Variants in CIDEC observed in about 807,000 individuals in gnomAD.
The protein encoded by CIDEC is cell death inducing DFFA like effector c.
CIDEC carries 11 observed loss-of-function variants against 21.9 expected under a neutral mutation model. The ratio of observed to expected loss-of-function variants is 0.50; its 90% CI spans 0.32 to 0.83. The LOEUF is 0.83. Among genes scored for constraint, CIDEC ranks in the 40% least tolerant of loss-of-function variants. CIDEC has a pLI of 0.04. For missense variants in CIDEC, 302 were observed against 302.3 expected (o/e 1.00, Z 0.01); for synonymous variants, 127 against 124.9 (o/e 1.02, Z -0.11).
rs370820713 is a variant in CIDEC, at chr3:9,870,256, C to A, written c.274G>T (p.Val92Leu). 6.2e-7 allele frequency: 1 copy of A among 1,614,122 alleles called. No individual in the cohort carries two copies. Among genetic ancestry groups the A allele is most frequent in the East Asian group, 2.2e-5 (1 of 44,882 alleles). Residue 92 changes from valine (V) to leucine (L), a missense_variant, in exon 5 of 7, where the codon GTA becomes TTA. Val to Leu is a conservative substitution (Grantham distance 32, BLOSUM62 1). Transcript: ENST00000336832. The part of the protein sequence containing the change: ...FLVLEEDGTT[V>L]ETEEYFQALA... ...GCTTGGAAGTACTCTTCTGTCTCTA[C>A]AGTTGTGCCATCTTCCTCCAGCACC...
chr3:9,878,198 A>G, intron 3 of CIDEC: 1 of 540,098 alleles, frequency 1.9e-6, no homozygotes, highest in South Asian at 2.2e-5. Flanking sequence ...TAAAAGCACC[A>G]AGCATAGTGT....
chr3:9,878,067 C>T (rs1302472662), intron 3 of CIDEC: 1 of 220,954 alleles, frequency 4.5e-6, no homozygotes, highest in Non-Finnish European at 9.2e-6. Context: ...ATCTTGGCTC[C>T]CTCATGGATT....
chr3:9,870,598 G>C (rs1053854917), intron 4 of CIDEC: 9 of 804,336 alleles, frequency 1.1e-5, no homozygotes. Context: ...TAGTATATTC[G>C]CAAAGTTGTG....
chr3:9,867,397 G>A, intron 6 of CIDEC, 101 bp from the exon 7 acceptor site: 1 of 1,206,988 alleles, frequency 8.3e-7, no homozygotes, highest in Non-Finnish European at 1.2e-6. Context: ...TGGAGGGCGG[G>A]TAACCTGAGG....
Position 9,877,192 on chromosome 3 carries a change from C to T in CIDEC, c.81G>A (p.Val27=). Residue 27 remains valine, a synonymous_variant, in exon 4 of 7, where the codon GTG becomes GTA. Coordinates refer to ENST00000336832, the MANE Select transcript of CIDEC (RefSeq NM_001321142.2). ...TGGGCTCCGACAGCAGCTGCTGGGT[C>T]ACCACAGAGGTACGCACTGACACAT... ...SRHVSVRTSV[V]TQQLLSEPSP... is the part of the protein sequence containing the mutation. 6.4e-7 allele frequency: 1 copy of T among 1,550,698 alleles called. No homozygotes were observed. Among genetic ancestry groups the T allele is most frequent in the South Asian group, 1.2e-5 (1 of 84,010 alleles).
In CIDEC at chr3:9,876,123, C is replaced by G. The variant is rs1013253114; in HGVS notation, c.207+943G>C. Among the ~76,000 whole-genome samples, 3 of 152,220 alleles carry G rather than the reference C, an allele frequency of 2.0e-5. No homozygotes were observed. The South Asian group carries it at 6.2e-4, about 31-fold the overall frequency. On this transcript the variant is annotated intron_variant, in intron 4 of 6. Coordinates refer to ENST00000336832, the MANE Select transcript of CIDEC (RefSeq NM_001321142.2). ...CTAATAATTGGAAGCCTAATCCAAACATTTGACCTGTACCAGGCACCTGGG... is the reference window on the plus strand; with the variant it reads ...CTAATAATTGGAAGCCTAATCCAAAGATTTGACCTGTACCAGGCACCTGGG...
rs777480698 is a variant in CIDEC at position 9,867,239 on chromosome 3, GCC to G, written c.610_611del (p.Gly204HisfsTer46). ...GGAGCTGCTGCAGGTAACAGGAGGT[GCC>G]AAGCAGTACGTGGCCTGTGGCCTGC... ...SMQATGHVLL[G>X]TSCYLQQLLD... On this transcript the variant is annotated frameshift_variant, in exon 7 of 7. Transcript: ENST00000336832. LOFTEE classifies it high-confidence loss of function. 9.0e-5 allele frequency: 146 copies of G among 1,614,172 alleles called. No homozygotes were observed. The highest frequency in any genetic ancestry group is 3.4e-4 in the South Asian group (31 of 91,084).
At chr3:9,875,944 T>C (rs929917368) in intron 4 of CIDEC, among the ~76,000 whole-genome samples, 14 of 152,180 alleles carry the variant, frequency 9.2e-5, no homozygotes, top group South Asian at 2.1e-4. Flanking sequence ...GTCCTTTTGA[T>C]TGAAAGCACA....
intron 3 of CIDEC, among the ~76,000 whole-genome samples, chr3:9,877,627 T>A (rs924884423): frequency 2.0e-5 from 3 of 151,940 alleles, no homozygotes; most frequent in Non-Finnish European, 2.9e-5. Flanking sequence ...GCCACTGCAC[T>A]CCAGCCTGGG....
At chr3:9,871,483 G>A (rs1339122635) in intron 4 of CIDEC, among the ~76,000 whole-genome samples, 1 of 151,314 alleles carries the variant, frequency 6.6e-6, no homozygotes, top group Non-Finnish European at 1.5e-5. Context: ...CACCACAATG[G>A]GCCTATGTTT....
At chr3:9,874,007 C>T (rs2082386267) in intron 4 of CIDEC, among the ~76,000 whole-genome samples, 1 of 151,836 alleles carries the variant, frequency 6.6e-6, no homozygotes, top group Non-Finnish European at 1.5e-5. Context: ...ATGAAACAGA[C>T]CTTAGAAAAA....
chr3:9,867,777 A>AT (rs1467628676), intron 6 of CIDEC, among the ~76,000 whole-genome samples: 1 of 152,134 alleles, frequency 6.6e-6, no homozygotes, highest in Non-Finnish European at 1.5e-5. Flanking sequence ...AAAAATACAA[A>AT]AAATTAGCCG....
chr3:9,867,449 G>C (rs2082288072), intron 6 of CIDEC, among the ~76,000 whole-genome samples, 153 bp from the exon 7 acceptor site: 1 of 152,224 alleles, frequency 6.6e-6, no homozygotes, highest in Non-Finnish European at 1.5e-5. Flanking sequence ...GCGAATCTCT[G>C]TCTCTACTAA....
chr3:9,870,316 C>T lies in CIDEC; in HGVS notation c.214G>A (p.Asp72Asn), dbSNP rs1263885160. 1 of 1,613,556 alleles carries T rather than the reference C, an allele frequency of 6.2e-7. No individual in the cohort carries two copies. The highest frequency in any genetic ancestry group is 2.2e-5 in the East Asian group (1 of 44,878). ...SLEDLLLKVR[D>N]TLMLADKPFF... ...GGCTTGTCTGCCAGCATCAGAGTGT[C>T]CCGGACCTGGGGAATAAGGTCAGTG... The change falls in exon 5 of 7, where the codon GAC becomes AAC. Residue 72 changes from aspartate to asparagine, a missense_variant. By Grantham distance (23) the Asp-to-Asn change is conservative. Transcript: ENST00000336832.
intron 2 of CIDEC, 130 bp downstream of exon 2, chr3:9,878,812 T>A (rs1476994771): frequency 1.3e-6 from 2 of 1,535,962 alleles, no homozygotes; most frequent in Non-Finnish European, 1.7e-6. Flanking sequence ...CTGGTCACAC[T>A]GAGCAGATAA....
At chr3:9,878,870 G>C in intron 2 of CIDEC, 72 bp downstream of exon 2, 1 of 1,487,718 alleles carries the variant, frequency 6.7e-7, no homozygotes, top group South Asian at 1.2e-5. Context: ...CCTGTCCATG[G>C]GGACAGAGTC....
At position 9,870,458 on chromosome 3, in the gene CIDEC, G is replaced by A. The variant is rs1423944640; in HGVS notation, c.208-136C>T. The A allele has an allele frequency of 1.9e-6, 3 of 1,549,932 alleles. No individual in the cohort carries two copies. The South Asian group carries it at 3.5e-5, about 18-fold the overall frequency. On this transcript the variant is annotated intron_variant, in intron 4 of 6. Coordinates refer to ENST00000336832, the MANE Select transcript of CIDEC (RefSeq NM_001321142.2). ...TTATCATGGTACCTCTTGGCTCCTGGCTTCAGGGTTCCTAGTCTAGAATAA... is the reference window on the plus strand; with the variant it reads ...TTATCATGGTACCTCTTGGCTCCTGACTTCAGGGTTCCTAGTCTAGAATAA...
intron 3 of CIDEC, 29 bp downstream of exon 3, chr3:9,878,405 C>G: frequency 6.4e-7 from 1 of 1,557,616 alleles, no homozygotes; most frequent in Non-Finnish European, 8.9e-7. Flanking sequence ...AGGTGGCTCT[C>G]TTTCCATTCT....
intron 6 of CIDEC, among the ~76,000 whole-genome samples, chr3:9,867,556 G>T (rs1183723071): frequency 1.3e-5 from 2 of 152,232 alleles, no homozygotes; most frequent in African/African-American, 4.8e-5. Context: ...GGAGGCGGAG[G>T]TCACAGTGAG....
Sources: allele counts gnomAD v4.1 joint callset (sites outside exome capture counted in the v4.1 genomes callset), GRCh38; gene constraint gnomAD v4.1.1; transcripts MANE v1.5; gene names NCBI Gene and HGNC (gene_info 2026-07-23, HGNC 2026-07-21).